Variants in RBBP8 observed in about 807,000 individuals in gnomAD.
The protein encoded by RBBP8 is RB binding protein 8, endonuclease, also known as DNA endonuclease RBBP8.
A neutral mutation model predicts 108.3 loss-of-function variants in RBBP8; 88 were observed. That is an observed-to-expected ratio of 0.81 (90% CI 0.68 to 0.97). The LOEUF is 0.97. Ranked by LOEUF, RBBP8 falls within the 50% of genes least tolerant of loss-of-function variation. The pLI, the probability that RBBP8 is intolerant of heterozygous loss-of-function variation, is 0.00. For synonymous variants in RBBP8, 332 were observed against 348.2 expected (o/e 0.95, Z 0.52); for missense variants, 1,023 against 1,049.0 (o/e 0.98, Z 0.34).
At position 22,979,443 on chromosome 18, in the gene RBBP8, G is replaced by A. The variant is rs573988652; in HGVS notation, c.429-2775G>A. Among the ~76,000 whole-genome samples, 4 of 152,212 alleles carry A rather than the reference G, an allele frequency of 2.6e-5. No individual in the cohort carries two copies. The East Asian group carries it at 5.8e-4, about 22-fold the overall frequency. On this transcript the variant is annotated intron_variant, in intron 6 of 18. Transcript: ENST00000327155. ...TATTGGTATCATTCAGGAAATTAAA[G>A]TGTAAATCTTTTTTGGGAAAAATTA...
rs2046050934 is a variant in RBBP8 at position 23,006,488 on chromosome 18, T to C, written c.2357+56T>C. 8.8e-6 allele frequency: 12 copies of C among 1,368,270 alleles called. No individual in the cohort carries two copies. The South Asian group carries it at 1.2e-4, about 13-fold the overall frequency. The allele number at this position is 1,368,270 out of a possible 1,614,324, so 84.8% of individuals were successfully genotyped here. A position where few individuals can be genotyped will look rare whatever the true frequency, so the allele number is the denominator to read the frequency against. ...TGACTGGAAGTACAATAGAGCTGTC[T>C]TTTATTTCTCTCTCTTTTTTCTTTT... On this transcript the variant is annotated intron_variant, in intron 16 of 18. Transcript: ENST00000327155.
chr18:23,022,668 T>TAAAATAAAATA (rs1353697130), intron 18 of RBBP8, among the ~76,000 whole-genome samples: 1 of 136,030 alleles, frequency 7.4e-6, no homozygotes, highest in African/African-American at 2.9e-5. Context: ...TAAAATAAAA[T>TAAAATAAAATA]AAATAACTGT....
chr18:23,025,466 C>T (rs1403691354), intron 18 of RBBP8, among the ~76,000 whole-genome samples: 1 of 152,134 alleles, frequency 6.6e-6, no homozygotes, highest in Non-Finnish European at 1.5e-5. Flanking sequence ...CAGATTGAGT[C>T]AACTTTGATG....
intron 3 of RBBP8, among the ~76,000 whole-genome samples, chr18:22,927,866 G>A (rs915261044): frequency 6.6e-6 from 1 of 151,718 alleles, no homozygotes; most frequent in Non-Finnish European, 1.5e-5. Context: ...CTGCACTCCA[G>A]CCTGGGCAAC....
intron 2 of RBBP8, among the ~76,000 whole-genome samples, chr18:22,943,589 G>T (rs1004287531): frequency 1.3e-5 from 2 of 152,016 alleles, no homozygotes; most frequent in African/African-American, 4.8e-5. Flanking sequence ...CTTAAGTATG[G>T]CTTTGGAATT....
In RBBP8 at chr18:22,982,069, G is replaced by A. The variant is rs1598701981; in HGVS notation, c.429-149G>A. On this transcript the variant is annotated intron_variant, in intron 6 of 18. Coordinates refer to ENST00000327155, the MANE Select transcript of RBBP8 (RefSeq NM_002894.3). ...CCCACTGGGTACTGTAATCATTCGT[G>A]TACTTATCTACTTAGGTTTGGAACA... 3.9e-5 allele frequency: 34 copies of A among 872,308 alleles called. No individual in the cohort carries two copies. The East Asian group carries it at 8.8e-4, about 23-fold the overall frequency. The allele number at this position is 872,308 out of a possible 1,614,324, so 54.0% of individuals were successfully genotyped here.
chr18:23,023,046 G>A (rs61568331), intron 18 of RBBP8, among the ~76,000 whole-genome samples: 2,219 of 151,572 alleles, frequency 0.015, 49 homozygotes, highest in African/African-American at 0.051. Flanking sequence ...ACAGCCTTGT[G>A]CCGCCATACC....
chr18:22,957,954 C>A (rs1430144783), intron 4 of RBBP8, among the ~76,000 whole-genome samples: 1 of 152,032 alleles, frequency 6.6e-6, no homozygotes, highest in East Asian at 1.9e-4. Context: ...TCTATTTTAC[C>A]TTTCAACCTT....
At chr18:22,994,239 G>A (rs1240623279) in intron 12 of RBBP8, among the ~76,000 whole-genome samples, 4 of 147,990 alleles carry the variant, frequency 2.7e-5, no homozygotes, top group Non-Finnish European at 4.5e-5. Context: ...TAGCCAGGAT[G>A]GTCTAGATCT....
chr18:23,025,219 C>T (rs1265322254), intron 18 of RBBP8, among the ~76,000 whole-genome samples: 1 of 151,990 alleles, frequency 6.6e-6, no homozygotes, highest in African/African-American at 2.4e-5. Context: ...TGCACCACTG[C>T]ACTCCAGCCT....
At chr18:23,015,113 A>T (rs2046234520) in intron 16 of RBBP8, among the ~76,000 whole-genome samples, 1 of 152,128 alleles carries the variant, frequency 6.6e-6, no homozygotes, top group South Asian at 2.1e-4. Context: ...GCTGGTCTCA[A>T]ACCCCTGGTG....
chr18:22,996,976 G>A (rs930990211), intron 13 of RBBP8, among the ~76,000 whole-genome samples: 3 of 152,120 alleles, frequency 2.0e-5, no homozygotes, highest in African/African-American at 7.2e-5. Context: ...TCCAGCCTAG[G>A]CAACCAGAGC....
In RBBP8 at chr18:23,016,880, G is replaced by C; in HGVS notation, c.2410G>C (p.Glu804Gln). 1 of 1,613,904 alleles carries C rather than the reference G, an allele frequency of 6.2e-7. No homozygotes were observed. The highest frequency in any genetic ancestry group is 1.1e-5 in the South Asian group (1 of 91,076). ...PHIEVVRKKE[E>Q]RRKLLGHTCK... ...TATTGAGGTGGTTCGGAAAAAAGAGGAGAGAAGAAAACTGCTTGGGCACAC... is the reference window on the plus strand; with the variant it reads ...TATTGAGGTGGTTCGGAAAAAAGAGCAGAGAAGAAAACTGCTTGGGCACAC... The change falls in exon 17 of 19, where the codon GAG (glutamate) becomes CAG (glutamine). Residue 804 changes from glutamate (E) to glutamine (Q), a missense_variant. Coordinates refer to ENST00000327155, the MANE Select transcript of RBBP8 (RefSeq NM_002894.3).
intron 9 of RBBP8, among the ~76,000 whole-genome samples, chr18:22,989,830 G>A (rs1275979469): frequency 1.3e-5 from 2 of 151,868 alleles, no homozygotes; most frequent in African/African-American, 4.8e-5. Context: ...ATACCATTAT[G>A]CCTAGCTAAT....
At chr18:22,917,114 A>G (rs1285669314) in intron 3 of RBBP8, 1 of 152,196 alleles carries the variant, frequency 6.6e-6, no homozygotes, top group Non-Finnish European at 1.5e-5. Flanking sequence ...AAAGTTGGAG[A>G]ACCAAAGGCC....
At chr18:22,975,015 G>A in intron 5 of RBBP8, 138 bp from the exon 6 acceptor site, 1 of 1,149,452 alleles carries the variant, frequency 8.7e-7, no homozygotes, top group Non-Finnish European at 1.2e-6. Context: ...GCACACTAGT[G>A]TTAACCCTGA....
chr18:22,966,420 A>G (rs996931636), intron 4 of RBBP8, among the ~76,000 whole-genome samples: 1 of 152,066 alleles, frequency 6.6e-6, no homozygotes, highest in Admixed American at 6.6e-5. Flanking sequence ...ACATTGTTTC[A>G]TATGAGTTTT....
At chr18:23,014,178 G>A (rs986367635) in intron 16 of RBBP8, among the ~76,000 whole-genome samples, 3 of 146,668 alleles carry the variant, frequency 2.0e-5, no homozygotes, top group East Asian at 4.0e-4. Flanking sequence ...TTTTTTTTTT[G>A]TATTTTTAGT....
intron 17 of RBBP8, among the ~76,000 whole-genome samples, chr18:23,019,039 A>G (rs2046306863): frequency 6.6e-6 from 1 of 152,240 alleles, no homozygotes; most frequent in African/African-American, 2.4e-5. Flanking sequence ...TGTACTAACA[A>G]TGGGAATATA....
Sources: allele counts gnomAD v4.1 joint callset (sites outside exome capture counted in the v4.1 genomes callset), GRCh38; gene constraint gnomAD v4.1.1; transcripts MANE v1.5; gene names NCBI Gene and HGNC (gene_info 2026-07-23, HGNC 2026-07-21).